TTC12: variants seen among roughly 807,000 people sequenced by gnomAD.
TTC12 encodes tetratricopeptide repeat protein 12.
Under a neutral mutation model 90.1 loss-of-function variants are expected in TTC12, and 70 were observed. The ratio of observed to expected loss-of-function variants is 0.78; its 90% confidence interval spans 0.64 to 0.95. The LOEUF is 0.95. TTC12 is among the 40% of genes least tolerant of loss of function. The probability of loss-of-function intolerance (pLI) is 0.00; values close to 1 mark genes in which losing one functional copy is unlikely to be tolerated. For synonymous variants in TTC12, 296 were observed against 311.5 expected (o/e 0.95, Z 0.53); for missense variants, 819 against 846.1 (o/e 0.97, Z 0.40).
chr11:113,320,502 C>T (rs1947244095), intron 2 of TTC12, among the ~76,000 whole-genome samples: 2 of 152,120 alleles, frequency 1.3e-5, no homozygotes, highest in Admixed American at 1.3e-4. Context: ...ATCATCTTTC[C>T]CCTCCATTCC....
At chr11:113,326,181 T>C (rs1462085716) in intron 6 of TTC12, among the ~76,000 whole-genome samples, 3 of 152,150 alleles carry the variant, frequency 2.0e-5, no homozygotes, top group Admixed American at 2.0e-4. Flanking sequence ...TTTCTGAAGG[T>C]TTTTATGCAT....
At chr11:113,340,830 G>A in intron 11 of TTC12, 97 bp downstream of exon 11, 2 of 1,038,870 alleles carry the variant, frequency 1.9e-6, no homozygotes, top group Non-Finnish European at 3.0e-6. Flanking sequence ...TCACGTTTCT[G>A]AACATTACCC....
In TTC12 at chr11:113,334,416, CAT is replaced by C. The variant is rs151026831; in HGVS notation, c.505-549_505-548del. 6.5e-3 allele frequency among the ~76,000 whole-genome samples: 981 copies of C among 151,844 alleles called. 12 individuals are homozygous for C. Among genetic ancestry groups the C allele is most frequent in the African/African-American group, 0.021 (873 of 41,490 alleles). On this transcript the variant is annotated intron_variant, in intron 7 of 21. Coordinates refer to ENST00000529221, the MANE Select transcript of TTC12 (RefSeq NM_017868.4). ...AATATGAACAGAAGGTCCCAGTACACATGTTGTGGTTTATTTGGGAGGAGGGA... is the reference window on the plus strand; with the variant it reads ...AATATGAACAGAAGGTCCCAGTACACGTTGTGGTTTATTTGGGAGGAGGGA...
intron 9 of TTC12, 35 bp from the exon 10 acceptor site, chr11:113,339,250 AG>A: frequency 6.4e-7 from 1 of 1,551,816 alleles, no homozygotes; most frequent in Admixed American, 2.0e-5. Flanking sequence ...GTTGATTGTT[AG>A]GGTTTTGTTT....
At chr11:113,319,684 A>G (rs1947172735) in intron 2 of TTC12, among the ~76,000 whole-genome samples, 1 of 152,102 alleles carries the variant, frequency 6.6e-6, no homozygotes, top group Non-Finnish European at 1.5e-5. Context: ...GCAGGAAAAA[A>G]AAAAAAAGCA....
intron 16 of TTC12, 54 bp from the exon 17 acceptor site, chr11:113,359,309 C>A: frequency 8.3e-7 from 1 of 1,204,308 alleles, no homozygotes; most frequent in Non-Finnish European, 1.2e-6. Flanking sequence ...AAAAGATGAC[C>A]ATAAAAAGCT....
intron 14 of TTC12, 38 bp downstream of exon 14, chr11:113,350,203 C>T: frequency 1.4e-6 from 2 of 1,455,400 alleles, no homozygotes; most frequent in East Asian, 4.5e-5. Flanking sequence ...ATTTCTTCTT[C>T]AGTCTTTGTT....
At chr11:113,325,791 T>C (rs1245560976) in intron 6 of TTC12, 146 bp downstream of exon 6, 3 of 992,010 alleles carry the variant, frequency 3.0e-6, no homozygotes, top group African/African-American at 1.6e-5. Context: ...AGCTGACTTA[T>C]ACACAGCATT....
At chr11:113,362,571 A>G in intron 19 of TTC12, 69 bp downstream of exon 19, 2 of 1,095,018 alleles carry the variant, frequency 1.8e-6, no homozygotes, top group South Asian at 2.6e-5. Context: ...GGGGAACAGA[A>G]TTAAGGTGGG....
At chr11:113,351,347 C>T (rs369606127) in intron 15 of TTC12, 48 bp downstream of exon 15, 4 of 1,476,930 alleles carry the variant, frequency 2.7e-6, no homozygotes, top group Admixed American at 1.7e-5. Context: ...CTCTCAGGAG[C>T]GTGAATGGGG....
intron 7 of TTC12, among the ~76,000 whole-genome samples, chr11:113,332,555 C>CT: frequency 6.6e-6 from 1 of 152,264 alleles, no homozygotes; most frequent in African/African-American, 2.4e-5. Context: ...CAATTTTATC[C>CT]TTTGTGAATT....
At chr11:113,333,759 A>G (rs948176) in intron 7 of TTC12, among the ~76,000 whole-genome samples, 36,193 of 152,072 alleles carry the variant, frequency 0.24, 5,207 homozygotes, top group East Asian at 0.49. Flanking sequence ...CAGTGAATTG[A>G]GAAATGATAT....
intron 8 of TTC12, among the ~76,000 whole-genome samples, chr11:113,338,050 A>T (rs1322216855): frequency 6.7e-6 from 1 of 148,592 alleles, no homozygotes; most frequent in East Asian, 2.0e-4. Context: ...TTGAACCTTC[A>T]AGATTATCTC....
In TTC12 at chr11:113,330,701, C is replaced by T. The variant is rs531283908; in HGVS notation, c.504+722C>T. 7.2e-5 allele frequency among the ~76,000 whole-genome samples: 11 copies of T among 152,334 alleles called. No individual in the cohort carries two copies. In the South Asian group the frequency reaches 2.3e-3, roughly 32 times the overall value. On this transcript the variant is annotated intron_variant, in intron 7 of 21. Coordinates refer to ENST00000529221, the MANE Select transcript of TTC12 (RefSeq NM_017868.4). ...GTGCTTCTCAGACTTCTGCACTATG[C>T]TGCTAACAGCAGAGGAGAATGAACA...
intron 13 of TTC12, among the ~76,000 whole-genome samples, chr11:113,345,495 C>A (rs1948901735): frequency 6.6e-6 from 1 of 152,216 alleles, no homozygotes; most frequent in Admixed American, 6.5e-5. Flanking sequence ...GGCTCCTGTT[C>A]CTTCCAGATC....
Position 113,324,918 on chromosome 11 carries a change from C to T in TTC12, c.322+236C>T, listed in dbSNP as rs149600583. On this transcript the variant is annotated intron_variant, in intron 5 of 21. Coordinates refer to ENST00000529221, the MANE Select transcript of TTC12 (RefSeq NM_017868.4). ...CCAGTGAAACCTCTTTCTGAAGCTT[C>T]CCTGTGCACTTAGCAGAGCAAAGTG... Among the ~76,000 whole-genome samples, 120 of 152,284 alleles carry T rather than the reference C, an allele frequency of 7.9e-4. 1 individual carries two copies. The Middle Eastern group carries it at 0.014, about 17-fold the overall frequency.
At chr11:113,340,537 C>CCAAA (rs1591567471) in intron 10 of TTC12, 127 bp from the exon 11 acceptor site, 1 of 700,190 alleles carries the variant, frequency 1.4e-6, no homozygotes, top group East Asian at 2.7e-5. Flanking sequence ...TTTGTTCCTG[C>CCAAA]CAAACCATTC....
chr11:113,364,796 T>C (rs772457973), intron 20 of TTC12, 39 bp from the exon 21 acceptor site: 2 of 1,573,540 alleles, frequency 1.3e-6, no homozygotes, highest in African/African-American at 1.3e-5. Context: ...TATTTTGGGA[T>C]TAAAAGGAGC....
At chr11:113,325,464 A>G (rs1288953302) in intron 5 of TTC12, 60 bp from the exon 6 acceptor site, 1 of 1,593,670 alleles carries the variant, frequency 6.3e-7, no homozygotes, top group Non-Finnish European at 8.6e-7. Context: ...GGGGGAATAA[A>G]GTCTGAGAGA....
Sources: gnomAD v4.1 joint callset for allele counts (sites outside exome capture counted in the v4.1 genomes callset) on GRCh38, gnomAD v4.1.1 for gene constraint, MANE v1.5 for transcripts, NCBI Gene and HGNC (gene_info 2026-07-23, HGNC 2026-07-21) for gene names.